Variants in TENT5A observed in about 807,000 individuals in gnomAD.
TENT5A encodes the protein terminal nucleotidyltransferase 5A, also known as HBV X-transactivated gene 11 protein.
Under a neutral mutation model 30.2 loss-of-function variants are expected in TENT5A, and 9 were observed. That is an observed-to-expected ratio of 0.30 (90% CI 0.18 to 0.52). The LOEUF (loss-of-function observed/expected upper bound fraction) is 0.52, where lower values mean the gene tolerates loss of function less well. Among genes scored for constraint, TENT5A ranks in the 20% least tolerant of loss-of-function variants. TENT5A has a pLI of 0.97. For synonymous variants in TENT5A, 264 were observed against 234.2 expected (o/e 1.13, Z -1.16); for missense variants, 411 against 566.1 (o/e 0.73, Z 2.78).
chr6:81,751,376 T>A (rs1228443526), intron 2 of TENT5A, among the ~76,000 whole-genome samples: 1 of 151,256 alleles, frequency 6.6e-6, no homozygotes. Flanking sequence ...GGGAGAAGAG[T>A]TGTAGCGCCA....
chr6:81,752,308 C>G (rs959789762), intron 1 of TENT5A, 123 bp downstream of exon 1: 16 of 1,533,560 alleles, frequency 1.0e-5, no homozygotes, highest in African/African-American at 4.2e-5. Context: ...CGGGCCTCCT[C>G]GGAGACTCCC....
chr6:81,746,177 A>G lies in TENT5A; in HGVS notation c.*3518T>C. On this transcript the variant is annotated 3_prime_UTR_variant, in exon 3 of 3. Transcript: ENST00000320172. The stretch of plus-strand genomic sequence containing the variant: ...TTAAAGAAAGATTATATTCAAATAG[A>G]TGCTATATATGAAATTACTTTTTTT... 9.7e-7 allele frequency: 1 copy of G among 1,026,012 alleles called. No homozygotes were observed. Among genetic ancestry groups the G allele is most frequent in the Non-Finnish European group, 1.2e-6 (1 of 855,266 alleles). 63.6% of individuals were successfully genotyped at this position (1,026,012 alleles called of 1,614,324 possible).
In TENT5A at chr6:81,747,117, T is replaced by C; in HGVS notation, c.*2578A>G. On this transcript the variant is annotated 3_prime_UTR_variant, in exon 3 of 3. Transcript: ENST00000320172. ...TTATAAATTAACAGCAGGTTATTGT[T>C]ATGGCAGAGTCAGAGACCTCCAGAC... 1.0e-6 allele frequency: 1 copy of C among 985,334 alleles called. No individual in the cohort carries two copies. The highest frequency in any genetic ancestry group is 1.2e-6 in the Non-Finnish European group (1 of 829,836). 61.0% of individuals were successfully genotyped at this position (985,334 alleles called of 1,614,324 possible).
At position 81,746,922 on chromosome 6, in the gene TENT5A, T is replaced by C; in HGVS notation, c.*2773A>G. 9.8e-7 allele frequency: 1 copy of C among 1,015,742 alleles called. No individual in the cohort carries two copies. Among genetic ancestry groups the C allele is most frequent in the Non-Finnish European group, 1.2e-6 (1 of 849,938 alleles). 62.9% of individuals were successfully genotyped at this position (1,015,742 alleles called of 1,614,324 possible). On this transcript the variant is annotated 3_prime_UTR_variant, in exon 3 of 3. Transcript: ENST00000320172. ...GAAATAAATTATATAAGTCTTAAAG[T>C]AAATGCTAGAAGTTGTCTTGAGTAC...
In TENT5A at chr6:81,750,301, C is replaced by G. The variant is rs1228566808; in HGVS notation, c.723G>C (p.Leu241=). 3 of 1,613,414 alleles carry G rather than the reference C, an allele frequency of 1.9e-6. No homozygotes were observed. Among genetic ancestry groups the G allele is most frequent in the African/African-American group, 2.7e-5 (2 of 74,862 alleles). ...GGTTCTCTGAACATTCATAAAAGAGCAGAAGAGAGTCTAATTTGATTTGAA... is the reference window on the plus strand; with the variant it reads ...GGTTCTCTGAACATTCATAAAAGAGGAGAAGAGAGTCTAATTTGATTTGAA... ...DSFQIKLDSL[L]LFYECSENPM... is the part of the protein sequence containing the mutation. The change falls in exon 3 of 3, where the codon CTG becomes CTC. Residue 241 remains leucine (L), a synonymous_variant. Coordinates refer to ENST00000320172, the MANE Select transcript of TENT5A (RefSeq NM_017633.3). The surrounding 1 kb of genome is among the most constrained non-coding windows in gnomAD (Gnocchi z 4.2).
At position 81,749,593 on chromosome 6, in the gene TENT5A, A is replaced by T; in HGVS notation, c.*102T>A. 1 of 1,481,260 alleles carries T rather than the reference A, an allele frequency of 6.8e-7. No homozygotes were observed. Among genetic ancestry groups the T allele is most frequent in the Non-Finnish European group, 8.9e-7 (1 of 1,121,360 alleles). The allele number at this position is 1,481,260 out of a possible 1,614,324, so 91.8% of individuals were successfully genotyped here. Reference sequence around the variant, plus strand: ...AGCATATCATCATTGCACAAAACACATCCCTAATAAGGGCTGGATCACTCT... The same window carrying T: ...AGCATATCATCATTGCACAAAACACTTCCCTAATAAGGGCTGGATCACTCT... On this transcript the variant is annotated 3_prime_UTR_variant, in exon 3 of 3. Transcript: ENST00000320172.
rs1320963503 is a variant in TENT5A at position 81,749,772 on chromosome 6, T to A, written c.1252A>T (p.Asn418Tyr). 6.2e-7 allele frequency: 1 copy of A among 1,614,020 alleles called. No individual in the cohort carries two copies. The highest frequency in any genetic ancestry group is 1.3e-5 in the African/African-American group (1 of 74,906). ...APYVADANFS[N>Y]YYIAQVQPVF... Reference sequence around the variant, plus strand: ...GGCTGAACCTGTGCAATGTAGTAATTGCTAAAGTTGGCATCTGCTACATAG... The same window carrying A: ...GGCTGAACCTGTGCAATGTAGTAATAGCTAAAGTTGGCATCTGCTACATAG... Residue 418 changes from asparagine (N) to tyrosine (Y), a missense_variant, in exon 3 of 3, where the codon AAT (asparagine) becomes TAT (tyrosine). Physicochemically the swap from Asn to Tyr is moderately radical, Grantham distance 143. Around this residue, in one of 5 missense-constraint regions of TENT5A, gnomAD observed 75 missense variants for 80.9 expected, o/e 0.93. Transcript: ENST00000320172.
chr6:81,752,410 C>G, intron 1 of TENT5A, 21 bp downstream of exon 1: 1 of 1,550,094 alleles, frequency 6.5e-7, no homozygotes, highest in Non-Finnish European at 8.7e-7. Context: ...AAAGCGCAAG[C>G]GAGAGTCCCG....
chr6:81,752,303 C>T (rs915705797), intron 1 of TENT5A, 125 bp from the exon 2 acceptor site: 12 of 1,531,976 alleles, frequency 7.8e-6, no homozygotes, highest in African/African-American at 6.9e-5. Flanking sequence ...GACCCCGGGC[C>T]TCCTCGGAGA....
rs145671787 is a variant in TENT5A, at chr6:81,746,023, C to T, written c.*3672G>A. On this transcript the variant is annotated 3_prime_UTR_variant, in exon 3 of 3. Coordinates refer to ENST00000320172, the MANE Select transcript of TENT5A (RefSeq NM_017633.3). ...TCCTCCGTTCTGCAAGGCTTTGCAG[C>T]AAGTCTCGTTAACTTGACATCTTCC... 62 of 985,560 alleles carry T rather than the reference C, an allele frequency of 6.3e-5. 1 individual carries two copies. In the African/African-American group the frequency reaches 9.9e-4, roughly 16 times the overall value. 61.1% of individuals were successfully genotyped at this position (985,560 alleles called of 1,614,324 possible). A position where few individuals can be genotyped will look rare whatever the true frequency, so the allele number is the denominator to read the frequency against.
Position 81,748,412 on chromosome 6 carries a change from C to T in TENT5A, c.*1283G>A. 2 of 980,178 alleles carry T rather than the reference C, an allele frequency of 2.0e-6. No homozygotes were observed. Among genetic ancestry groups the T allele is most frequent in the South Asian group, 9.4e-5 (2 of 21,180 alleles). 60.7% of individuals were successfully genotyped at this position (980,178 alleles called of 1,614,324 possible). On this transcript the variant is annotated 3_prime_UTR_variant, in exon 3 of 3. Transcript: ENST00000320172. ...AAAAAAAAAAAAAGAAAAAAAAATC[C>T]CACTAAAACAGTATAATTTCTGCTC...
In TENT5A at chr6:81,745,743, AT is replaced by A. The variant is rs1224818301; in HGVS notation, c.*3951del. On this transcript the variant is annotated 3_prime_UTR_variant, in exon 3 of 3. Transcript: ENST00000320172. ...AGCAAACACAAATCAATAGAAAAAA[AT>A]AACTTTTTTATTTACAAAAAAATCC... 1.0e-6 allele frequency: 1 copy of A among 985,238 alleles called. No individual in the cohort carries two copies. The highest frequency in any genetic ancestry group is 4.7e-5 in the South Asian group (1 of 21,282). 61.0% of individuals were successfully genotyped at this position (985,238 alleles called of 1,614,324 possible).
Position 81,748,684 on chromosome 6 carries a change from A to G in TENT5A, c.*1011T>C, listed in dbSNP as rs966056741. The G allele has an allele frequency of 4.2e-6, 4 of 959,816 alleles. No homozygotes were observed. In the South Asian group the frequency reaches 1.9e-4, roughly 46 times the overall value. The allele number at this position is 959,816 out of a possible 1,614,324, so 59.5% of individuals were successfully genotyped here. On this transcript the variant is annotated 3_prime_UTR_variant, in exon 3 of 3. Coordinates refer to ENST00000320172, the MANE Select transcript of TENT5A (RefSeq NM_017633.3). ...ACACATATAATTTATACACACATACACATGTACCTATGATAATATCAGATC... is the reference window on the plus strand; with the variant it reads ...ACACATATAATTTATACACACATACGCATGTACCTATGATAATATCAGATC...
At position 81,751,438 on chromosome 6, in the gene TENT5A, T is replaced by C. The variant is rs548936450; in HGVS notation, c.552+152A>G. 2.1e-5 allele frequency: 15 copies of C among 700,294 alleles called. 1 individual carries two copies. In the South Asian group the frequency reaches 2.6e-4, roughly 12 times the overall value. The allele number at this position is 700,294 out of a possible 1,614,324, so 43.4% of individuals were successfully genotyped here. ...ACACCGTCCACGCACGTCAGTTTAC[T>C]GGTTTAAAAAATCAAAAATCAAAGA... On this transcript the variant is annotated intron_variant, in intron 2 of 2. Coordinates refer to ENST00000320172, the MANE Select transcript of TENT5A (RefSeq NM_017633.3).
In TENT5A at chr6:81,746,088, A is replaced by G. The variant is rs1206170462; in HGVS notation, c.*3607T>C. 1 of 983,598 alleles carries G rather than the reference A, an allele frequency of 1.0e-6. No homozygotes were observed. The highest frequency in any genetic ancestry group is 1.2e-6 in the Non-Finnish European group (1 of 827,888). The allele number at this position is 983,598 out of a possible 1,614,324, so 60.9% of individuals were successfully genotyped here. ...CCATTTGCTTTGTTAGAAAGCCATT[A>G]TTTTAACAAAATATAACATAGAGAT... On this transcript the variant is annotated 3_prime_UTR_variant, in exon 3 of 3. Coordinates refer to ENST00000320172, the MANE Select transcript of TENT5A (RefSeq NM_017633.3).
chr6:81,748,450 A>G lies in TENT5A; in HGVS notation c.*1245T>C, dbSNP rs944721004. The stretch of plus-strand genomic sequence containing the variant: ...ATAATTTCTGCTCTTCCTATGAAAT[A>G]TATTACTTGGTTCCCTCCTTCATTT... On this transcript the variant is annotated 3_prime_UTR_variant, in exon 3 of 3. Coordinates refer to ENST00000320172, the MANE Select transcript of TENT5A (RefSeq NM_017633.3). 2 of 982,634 alleles carry G rather than the reference A, an allele frequency of 2.0e-6. No individual in the cohort carries two copies. The highest frequency in any genetic ancestry group is 2.4e-6 in the Non-Finnish European group (2 of 827,792). 60.9% of individuals were successfully genotyped at this position (982,634 alleles called of 1,614,324 possible). A position where few individuals can be genotyped will look rare whatever the true frequency, so the allele number is the denominator to read the frequency against.
Position 81,750,298 on chromosome 6 carries a change from G to C in TENT5A, c.726C>G (p.Leu242=), listed in dbSNP as rs764911945. Residue 242 remains leucine, a synonymous_variant, in exon 3 of 3, where the codon CTC becomes CTG. Coordinates refer to ENST00000320172, the MANE Select transcript of TENT5A (RefSeq NM_017633.3). This position sits in a 1 kb window ranked among gnomAD's most constrained non-coding sequence, Gnocchi z 4.2. The part of the protein sequence containing the change: ...SFQIKLDSLL[L]FYECSENPMT... ...TTGGGTTCTCTGAACATTCATAAAA[G>C]AGCAGAAGAGAGTCTAATTTGATTT... The C allele has an allele frequency of 3.1e-6, 5 of 1,613,606 alleles. No homozygotes were observed. The highest frequency in any genetic ancestry group is 4.2e-6 in the Non-Finnish European group (5 of 1,179,880).
chr6:81,749,449 T>C lies in TENT5A; in HGVS notation c.*246A>G. ...GTTGCTTCTAATGACAGGTCTCTCTTTTTTTGCAGGATAGAATCCAATTGG... is the reference window on the plus strand; with the variant it reads ...GTTGCTTCTAATGACAGGTCTCTCTCTTTTTGCAGGATAGAATCCAATTGG... On this transcript the variant is annotated 3_prime_UTR_variant, in exon 3 of 3. Transcript: ENST00000320172. 4.8e-6 allele frequency: 6 copies of C among 1,237,866 alleles called. No individual in the cohort carries two copies. The highest frequency in any genetic ancestry group is 5.1e-6 in the Non-Finnish European group (5 of 989,996). 76.7% of individuals were successfully genotyped at this position (1,237,866 alleles called of 1,614,324 possible). A position where few individuals can be genotyped will look rare whatever the true frequency, so the allele number is the denominator to read the frequency against.
Position 81,749,617 on chromosome 6 carries a change from C to CTTT in TENT5A, c.*75_*77dup. 1 of 1,370,992 alleles carries CTTT rather than the reference C, an allele frequency of 7.3e-7. No individual in the cohort carries two copies. Among genetic ancestry groups the CTTT allele is most frequent in the African/African-American group, 1.5e-5 (1 of 67,020 alleles). The allele number at this position is 1,370,992 out of a possible 1,614,324, so 84.9% of individuals were successfully genotyped here. A position where few individuals can be genotyped will look rare whatever the true frequency, so the allele number is the denominator to read the frequency against. On this transcript the variant is annotated 3_prime_UTR_variant, in exon 3 of 3. Coordinates refer to ENST00000320172, the MANE Select transcript of TENT5A (RefSeq NM_017633.3). ...CATCCCTAATAAGGGCTGGATCACT[C>CTTT]TTTTTTTTTTCTTTTTTTTTTTTTT...
Sources: allele counts gnomAD v4.1 joint callset (sites outside exome capture counted in the v4.1 genomes callset), GRCh38; gene constraint gnomAD v4.1.1; regional missense constraint gnomAD v4.1.1; non-coding constraint Gnocchi (gnomAD v3.1); transcripts MANE v1.5; gene names NCBI Gene and HGNC (gene_info 2026-07-23, HGNC 2026-07-21).